Variants in LRRC4C observed in about 807,000 individuals in gnomAD.
LRRC4C encodes leucine-rich repeat-containing protein 4C.
In LRRC4C, 5 loss-of-function variants were observed where a neutral mutation model predicts 33.6. The observed-to-expected ratio is 0.15, with a 90% CI of 0.08 to 0.31. The LOEUF is 0.31. LRRC4C is among the 10% of genes least tolerant of loss of function. The pLI is 1.00. For missense variants in LRRC4C, 560 were observed against 796.7 expected (o/e 0.70, Z 3.58); for synonymous variants, 329 against 302.0 (o/e 1.09, Z -0.93).
chr11:40,337,813 C>T (rs1197772985), intron 3 of LRRC4C, among the ~76,000 whole-genome samples: 2 of 152,074 alleles, frequency 1.3e-5, no homozygotes, highest in African/African-American at 2.4e-5. Context: ...GATTATTTTT[C>T]CTGATCCTCT....
chr11:40,846,347 A>G (rs1953171129), intron 2 of LRRC4C, among the ~76,000 whole-genome samples: 1 of 152,058 alleles, frequency 6.6e-6, no homozygotes, highest in Admixed American at 6.6e-5. Context: ...TCTTAAGTTA[A>G]TGTTTGTATG....
At position 40,320,904 on chromosome 11, in the gene LRRC4C, G is replaced by A. The variant is rs545502358; in HGVS notation, c.-269-1183C>T. On this transcript the variant is annotated intron_variant, in intron 3 of 6. Coordinates refer to ENST00000528697, the MANE Select transcript of LRRC4C (RefSeq NM_001258419.2). ...TATGCCAATTGTTAGCTTCTCTCTC[G>A]AGCATGAGTTATTTGTAGGTAAGTT... Among the ~76,000 whole-genome samples the A allele has an allele frequency of 3.9e-5, 6 of 152,088 alleles. No homozygotes were observed. The East Asian group carries it at 7.7e-4, about 20-fold the overall frequency.
chr11:40,214,926 C>A (rs1863866898), intron 5 of LRRC4C, among the ~76,000 whole-genome samples: 1 of 152,072 alleles, frequency 6.6e-6, no homozygotes. Flanking sequence ...CTAGTGAGCT[C>A]ACATTTTACA....
chr11:40,886,883 A>ATGTG (rs144561789), intron 2 of LRRC4C, among the ~76,000 whole-genome samples: 3 of 149,028 alleles, frequency 2.0e-5, no homozygotes, highest in East Asian at 2.0e-4. Flanking sequence ...ATGTTTATAT[A>ATGTG]TGTGTGTGTG....
chr11:40,917,755 G>A (rs1038270460), intron 2 of LRRC4C, among the ~76,000 whole-genome samples: 3 of 152,100 alleles, frequency 2.0e-5, no homozygotes, highest in Non-Finnish European at 2.9e-5. Context: ...ACAGCATTCT[G>A]TAATTCAAGA....
Position 40,908,918 on chromosome 11 carries a change from G to T in LRRC4C, c.-407+24717C>A, listed in dbSNP as rs564454643. Reference sequence around the variant, plus strand: ...AGCAAAGCACTGGGCTGGGTATTACGGGTGCATTACCTATGCCATTTAGGG... The same window carrying T: ...AGCAAAGCACTGGGCTGGGTATTACTGGTGCATTACCTATGCCATTTAGGG... On this transcript the variant is annotated intron_variant, in intron 2 of 6. Coordinates refer to ENST00000528697, the MANE Select transcript of LRRC4C (RefSeq NM_001258419.2). Among the ~76,000 whole-genome samples, 2 of 152,066 alleles carry T rather than the reference G, an allele frequency of 1.3e-5. 1 individual carries two copies. Among genetic ancestry groups the T allele is most frequent in the South Asian group, 4.1e-4 (2 of 4,824 alleles).
intron 3 of LRRC4C, among the ~76,000 whole-genome samples, chr11:40,550,782 C>G (rs1957099743): frequency 6.7e-6 from 1 of 148,332 alleles, no homozygotes; most frequent in South Asian, 2.1e-4. Flanking sequence ...CAGGTCATAG[C>G]TGAGGGAACC....
At chr11:40,573,887 A>G (rs1193046253) in intron 3 of LRRC4C, among the ~76,000 whole-genome samples, 2 of 152,136 alleles carry the variant, frequency 1.3e-5, no homozygotes, top group Non-Finnish European at 2.9e-5. Flanking sequence ...AACTCTGACC[A>G]TGGATGTAAA....
intron 1 of LRRC4C, among the ~76,000 whole-genome samples, chr11:41,309,905 C>CT (rs1157904507): frequency 6.6e-6 from 1 of 152,214 alleles, no homozygotes; most frequent in Non-Finnish European, 1.5e-5. Flanking sequence ...AAATAATTGA[C>CT]TAGTAGTGTA....
chr11:41,106,577 AC>A (rs1941508359), intron 1 of LRRC4C, among the ~76,000 whole-genome samples: 1 of 151,930 alleles, frequency 6.6e-6, no homozygotes, highest in Non-Finnish European at 1.5e-5. Context: ...TCACACCAAA[AC>A]CCATTCATTA....
At chr11:41,203,363 A>T (rs1170388601) in intron 1 of LRRC4C, among the ~76,000 whole-genome samples, 1 of 152,242 alleles carries the variant, frequency 6.6e-6, no homozygotes, top group Non-Finnish European at 1.5e-5. Context: ...TTGCTTTGGT[A>T]ACAAGAATTC....
chr11:41,094,231 C>CT (rs1252089235), intron 1 of LRRC4C, among the ~76,000 whole-genome samples: 1 of 151,996 alleles, frequency 6.6e-6, no homozygotes, highest in Non-Finnish European at 1.5e-5. Flanking sequence ...GCTTCAGGAC[C>CT]TTTGCACTTG....
intron 3 of LRRC4C, among the ~76,000 whole-genome samples, chr11:40,392,076 T>G (rs1472799991): frequency 1.3e-5 from 2 of 152,098 alleles, no homozygotes; most frequent in Non-Finnish European, 2.9e-5. Context: ...TTCCCAAATA[T>G]ATGACATTCT....
intron 2 of LRRC4C, among the ~76,000 whole-genome samples, chr11:40,780,919 A>C (rs1950187661): frequency 6.6e-6 from 1 of 152,102 alleles, no homozygotes; most frequent in Non-Finnish European, 1.5e-5. Context: ...AGATGTGCGG[A>C]GAGAATGTAA....
intron 3 of LRRC4C, among the ~76,000 whole-genome samples, chr11:40,614,256 T>A (rs891353666): frequency 6.6e-6 from 1 of 151,934 alleles, no homozygotes; most frequent in African/African-American, 2.4e-5. Flanking sequence ...TCAGTTGTTT[T>A]ACCTAGATCA....
In LRRC4C at chr11:40,836,350, C is replaced by T. The variant is rs74913451; in HGVS notation, c.-407+97285G>A. ...TCATGGATTGTATTTGCCCTAAGGC[C>T]TCACTCATTCTGTTGTAGCAAGTGA... On this transcript the variant is annotated intron_variant, in intron 2 of 6. Transcript: ENST00000528697. Among the ~76,000 whole-genome samples, 227 of 152,244 alleles carry T rather than the reference C, an allele frequency of 1.5e-3. 2 individuals are homozygous for T. Among genetic ancestry groups the T allele is most frequent in the African/African-American group, 5.3e-3 (221 of 41,530 alleles).
At chr11:40,470,884 G>A (rs558974816) in intron 3 of LRRC4C, among the ~76,000 whole-genome samples, 3 of 152,314 alleles carry the variant, frequency 2.0e-5, no homozygotes, top group African/African-American at 7.2e-5. Context: ...ATGGGACTAT[G>A]TGAAAAGACC....
intron 3 of LRRC4C, among the ~76,000 whole-genome samples, chr11:40,579,330 A>AC (rs1260935331): frequency 6.6e-6 from 1 of 151,966 alleles, no homozygotes; most frequent in African/African-American, 2.4e-5. Flanking sequence ...TGTTAAAAAA[A>AC]AAAAAGGAAT....
chr11:40,951,831 G>A (rs1478889716), intron 1 of LRRC4C, among the ~76,000 whole-genome samples: 2 of 151,880 alleles, frequency 1.3e-5, no homozygotes, highest in Non-Finnish European at 2.9e-5. Flanking sequence ...TTTTTATTGA[G>A]TAGCACATAG....
Sources: allele counts gnomAD v4.1 joint callset (sites outside exome capture counted in the v4.1 genomes callset), GRCh38; gene constraint gnomAD v4.1.1; transcripts MANE v1.5; gene names NCBI Gene and HGNC (gene_info 2026-07-23, HGNC 2026-07-21).